The following MTMR10 variants were observed in gnomAD, a reference collection of about 807,000 sequenced individuals.
MTMR10 encodes the protein myotubularin related protein 10.
A neutral mutation model predicts 88.1 loss-of-function variants in MTMR10; 56 were observed. The observed-to-expected ratio is 0.64, with a 90% confidence interval of 0.51 to 0.79. The LOEUF is 0.79. Ranked by LOEUF, MTMR10 falls within the 30% of genes least tolerant of loss-of-function variation. The pLI is 0.00. For synonymous variants in MTMR10, 380 were observed against 340.9 expected (o/e 1.11, Z -1.26); for missense variants, 883 against 924.7 (o/e 0.95, Z 0.58).
the MTMR10 span, chr15:30,922,354 G>T: frequency 6.3e-7 from 1 of 1,596,506 alleles, no homozygotes; most frequent in Non-Finnish European, 8.5e-7. Context: ...GCCTGGAACC[G>T]GTACTCAGTA....
At chr15:30,968,633 G>A (rs561820545) in intron 5 of MTMR10, among the ~76,000 whole-genome samples, 22 of 151,922 alleles carry the variant, frequency 1.4e-4, no homozygotes, top group South Asian at 4.2e-4. Context: ...GAAAACGTGC[G>A]GGCTTTAGAA....
the MTMR10 span, chr15:30,920,777 G>A: frequency 3.4e-6 from 2 of 586,148 alleles, no homozygotes; most frequent in African/African-American, 3.9e-5. Context: ...TATAATGGAG[G>A]CATATTTGTT....
the MTMR10 span, chr15:30,928,647 C>T: frequency 7.1e-4 from 1,145 of 1,613,970 alleles, no homozygotes; most frequent in Non-Finnish European, 8.7e-4. Flanking sequence ...TCTTCAGAAA[C>T]GCCTGTCAGG....
At chr15:30,970,809 A>C (rs1414316081) in intron 5 of MTMR10, among the ~76,000 whole-genome samples, 1 of 152,152 alleles carries the variant, frequency 6.6e-6, no homozygotes, top group Non-Finnish European at 1.5e-5. Flanking sequence ...TCAGGTTAGG[A>C]AACAAATGAG....
At chr15:30,980,788 C>T (rs538901299) in intron 2 of MTMR10, among the ~76,000 whole-genome samples, 2 of 151,980 alleles carry the variant, frequency 1.3e-5, no homozygotes, top group Non-Finnish European at 2.9e-5. Flanking sequence ...GATACAAGAG[C>T]CAAGATGAAA....
At chr15:30,920,430 A>G in the MTMR10 span, 1 of 715,578 alleles carries the variant, frequency 1.4e-6, no homozygotes, top group Non-Finnish European at 2.4e-6. Flanking sequence ...AACTGAAAGT[A>G]TTTAGAATAT....
the MTMR10 span, chr15:30,927,717 G>A: frequency 2.0e-6 from 2 of 985,520 alleles, no homozygotes; most frequent in South Asian, 9.4e-5. Flanking sequence ...GTGGGGAGAG[G>A]CATCCATGTG....
At chr15:30,966,582 A>G (rs1369525437) in intron 6 of MTMR10, among the ~76,000 whole-genome samples, 2 of 152,190 alleles carry the variant, frequency 1.3e-5, no homozygotes, top group Admixed American at 1.3e-4. Context: ...GATAACCTTG[A>G]TCACTGTTCT....
the MTMR10 span, chr15:30,928,790 A>T: frequency 1.3e-6 from 2 of 1,484,546 alleles, no homozygotes; most frequent in Non-Finnish European, 1.8e-6. Flanking sequence ...ACAGGTCAAG[A>T]TGATAACTTA....
At chr15:30,929,214 G>T in the MTMR10 span, 2 of 1,611,804 alleles carry the variant, frequency 1.2e-6, no homozygotes, top group Non-Finnish European at 1.7e-6. Flanking sequence ...CATTCCCCCT[G>T]GACTTGTGCA....
Position 30,954,901 on chromosome 15 carries a change from A to G in MTMR10, c.936-8T>C. 3 of 1,537,556 alleles carry G rather than the reference A, an allele frequency of 2.0e-6. No individual in the cohort carries two copies. In the South Asian group the frequency reaches 3.7e-5, roughly 19 times the overall value. ...GTTATTGCATTACAAATCCTAATAAAGACAAAAATACTTTAGTCATTACTC... is the reference window on the plus strand; with the variant it reads ...GTTATTGCATTACAAATCCTAATAAGGACAAAAATACTTTAGTCATTACTC... On this transcript the variant is annotated splice_region_variant and splice_polypyrimidine_tract_variant and intron_variant, in intron 9 of 15. Transcript: ENST00000435680.
At position 30,954,690 on chromosome 15, in the gene MTMR10, A is replaced by G; in HGVS notation, c.1066+73T>C. The stretch of plus-strand genomic sequence containing the variant: ...TATCTATTTCTACATTTTTAAGAAC[A>G]TCACTTTTCCTGACATCTCATGCAA... On this transcript the variant is annotated intron_variant, in intron 10 of 15. Coordinates refer to ENST00000435680, the MANE Select transcript of MTMR10 (RefSeq NM_017762.3). The G allele has an allele frequency of 3.7e-6, 5 of 1,355,486 alleles. No individual in the cohort carries two copies. In the South Asian group the frequency reaches 8.4e-5, roughly 23 times the overall value. The allele number at this position is 1,355,486 out of a possible 1,614,324, so 84.0% of individuals were successfully genotyped here. A position where few individuals can be genotyped will look rare whatever the true frequency, so the allele number is the denominator to read the frequency against.
intron 2 of MTMR10, among the ~76,000 whole-genome samples, chr15:30,977,642 C>G (rs1398371914): frequency 6.6e-6 from 1 of 152,134 alleles, no homozygotes; most frequent in African/African-American, 2.4e-5. Flanking sequence ...CAACTAGACG[C>G]AGAACATTTT....
rs369261074 is a variant in MTMR10, at chr15:30,947,142, C to T, written c.1536G>A (p.Val512=). The T allele has an allele frequency of 7.7e-5, 123 of 1,605,596 alleles. No homozygotes were observed. The Admixed American group carries it at 8.1e-4, about 11-fold the overall frequency. Residue 512 remains valine (V), a synonymous_variant, in exon 14 of 16, where the codon GTG becomes GTA. Coordinates refer to ENST00000435680, the MANE Select transcript of MTMR10 (RefSeq NM_017762.3). ...CAGGGTTGCTTACCGTGCTTTGCTT[C>T]ACTCGCTGGTGAGGGGAGTTGAACA... is the stretch of plus-strand genomic sequence containing the variant. The part of the protein sequence containing the change: ...TFLFNSPHQR[V]KQSTEFAISK...
At chr15:30,978,135 C>G (rs1781472086) in intron 2 of MTMR10, among the ~76,000 whole-genome samples, 1 of 152,152 alleles carries the variant, frequency 6.6e-6, no homozygotes, top group Non-Finnish European at 1.5e-5. Context: ...TACCTTAGTC[C>G]AACCACTGTC....
the MTMR10 span, chr15:30,928,767 C>T: frequency 2.6e-6 from 4 of 1,550,410 alleles, no homozygotes; most frequent in East Asian, 4.5e-5. Context: ...TGTTACGGTC[C>T]TTTGGGTCAT....
downstream of MTMR10, among the ~76,000 whole-genome samples, chr15:30,938,678 T>A (rs540008119): frequency 7.2e-5 from 11 of 152,260 alleles, no homozygotes; most frequent in East Asian, 2.1e-3. Context: ...TTTGAAGCCT[T>A]CTTGGGGGAA....
In MTMR10 at chr15:30,969,866, CTT is replaced by C. The variant is rs543865101; in HGVS notation, c.475-1858_475-1857del. On this transcript the variant is annotated intron_variant, in intron 5 of 15. Transcript: ENST00000435680. ...CCCCAGCCATCTCCACTGTCACACT[CTT>C]TGCTTGGAAAATCCTACTCCTCTTA... 3.9e-3 allele frequency among the ~76,000 whole-genome samples: 591 copies of C among 152,186 alleles called. 3 individuals carry two copies. The highest frequency in any genetic ancestry group is 0.014 in the African/African-American group (570 of 41,550).
the MTMR10 span, among the ~76,000 whole-genome samples, chr15:30,933,729 GATTATA>G: frequency 0.1 from 15,749 of 151,646 alleles, 881 homozygotes; most frequent in African/African-American, 0.15. Context: ...TGATATCTCT[GATTATA>G]ATTGTGGTAT....
Sources: allele counts gnomAD v4.1 joint callset (sites outside exome capture counted in the v4.1 genomes callset), GRCh38; gene constraint gnomAD v4.1.1; transcripts MANE v1.5; gene names NCBI Gene and HGNC (gene_info 2026-07-23, HGNC 2026-07-21).